PLD1: variants seen among roughly 807,000 people sequenced by gnomAD.
PLD1 encodes the protein choline phosphatase 1.
PLD1 carries 112 observed loss-of-function variants against 137.1 expected under a neutral mutation model. The ratio of observed to expected loss-of-function variants is 0.82; its 90% CI spans 0.70 to 0.96. The LOEUF (loss-of-function observed/expected upper bound fraction) is 0.96. Ranked by LOEUF, PLD1 falls within the 40% of genes least tolerant of loss-of-function variation. PLD1 has a pLI of 0.00. For synonymous variants in PLD1, 431 were observed against 454.7 expected, an observed-to-expected ratio of 0.95 and a Z score of 0.66; for missense variants, 1,321 against 1,342.0, an observed-to-expected ratio of 0.98 and a Z score of 0.24.
rs1354706941 is a variant in PLD1 at position 171,704,465 on chromosome 3, A to AG, written c.1145+4289_1145+4290insC. Among the ~76,000 whole-genome samples the AG allele has an allele frequency of 3.3e-5, 5 of 151,208 alleles. No homozygotes were observed. In the East Asian group the frequency reaches 5.8e-4, roughly 18 times the overall value. ...TGGCACACAAAGAACCAGGAAAAAA[A>AG]AAAAAAAAAAAACCTTATCTTGTAC... On this transcript the variant is annotated intron_variant, in intron 11 of 26. Coordinates refer to ENST00000351298, the MANE Select transcript of PLD1 (RefSeq NM_002662.5).
intron 21 of PLD1, among the ~76,000 whole-genome samples, chr3:171,657,511 T>C (rs1737313357): frequency 1.3e-5 from 2 of 152,208 alleles, no homozygotes; most frequent in South Asian, 2.1e-4. Flanking sequence ...TAAGAAGAAA[T>C]TGTCCCTGGT....
chr3:171,608,492 G>A (rs1296011949), intron 25 of PLD1, among the ~76,000 whole-genome samples: 1 of 152,174 alleles, frequency 6.6e-6, no homozygotes, highest in Non-Finnish European at 1.5e-5. Context: ...ATACTAATTT[G>A]AAGAAGTGGT....
At chr3:171,776,969 TCA>T (rs1722613229) in intron 1 of PLD1, among the ~76,000 whole-genome samples, 1 of 152,180 alleles carries the variant, frequency 6.6e-6, no homozygotes, top group South Asian at 2.1e-4. Flanking sequence ...CCTGATCAGT[TCA>T]CAGACGACTT....
chr3:171,781,612 G>C (rs996882723), intron 1 of PLD1, among the ~76,000 whole-genome samples: 2 of 152,126 alleles, frequency 1.3e-5, no homozygotes, highest in Non-Finnish European at 2.9e-5. Flanking sequence ...AGACAGACTC[G>C]TGATCACTAA....
At chr3:171,734,831 A>T in intron 5 of PLD1, 34 bp downstream of exon 5, 1 of 1,341,862 alleles carries the variant, frequency 7.5e-7, no homozygotes, top group Non-Finnish European at 1.1e-6. Context: ...CTGCAAAATT[A>T]GGTTTAAAAC....
intron 8 of PLD1, among the ~76,000 whole-genome samples, chr3:171,721,917 T>C (rs1320836161): frequency 6.6e-6 from 1 of 152,156 alleles, no homozygotes; most frequent in African/African-American, 2.4e-5. Flanking sequence ...AGCTTAATGG[T>C]ATTTTTTTGT....
At chr3:171,757,360 A>G (rs1357464202) in intron 1 of PLD1, among the ~76,000 whole-genome samples, 1 of 152,196 alleles carries the variant, frequency 6.6e-6, no homozygotes, top group Non-Finnish European at 1.5e-5. Flanking sequence ...AATCAGATAA[A>G]GAAAAGAGAA....
chr3:171,655,101 G>A (rs1192253052), intron 21 of PLD1, among the ~76,000 whole-genome samples: 2 of 152,182 alleles, frequency 1.3e-5, no homozygotes, highest in East Asian at 1.9e-4. Context: ...GTATTCTTTG[G>A]TGAGGCCTGG....
rs576881811 is a variant in PLD1 at position 171,708,898 on chromosome 3, C to T, written c.1062-60G>A. On this transcript the variant is annotated intron_variant, in intron 10 of 26. Transcript: ENST00000351298. The stretch of plus-strand genomic sequence containing the variant: ...AAAAAAGAAAAGAAAAGAAACTTAT[C>T]TTATGGTAAAGCAAAACATGGAAGC... 1.7e-3 allele frequency: 1,860 copies of T among 1,118,120 alleles called. 5 individuals are homozygous for T. The highest frequency in any genetic ancestry group is 1.9e-3 in the Non-Finnish European group (1,390 of 743,306). The allele number at this position is 1,118,120 out of a possible 1,614,324, so 69.3% of individuals were successfully genotyped here. A position where few individuals can be genotyped will look rare whatever the true frequency, so the allele number is the denominator to read the frequency against.
chr3:171,629,829 G>T (rs1174141217), intron 23 of PLD1, among the ~76,000 whole-genome samples: 2 of 152,164 alleles, frequency 1.3e-5, no homozygotes, highest in Non-Finnish European at 2.9e-5. Flanking sequence ...GCTGAAACTG[G>T]ATCCCTTCTT....
At position 171,737,630 on chromosome 3, in the gene PLD1, T is replaced by C; in HGVS notation, c.190A>G (p.Thr64Ala). 6.3e-7 allele frequency: 1 copy of C among 1,583,656 alleles called. No homozygotes were observed. Among genetic ancestry groups the C allele is most frequent in the East Asian group, 2.2e-5 (1 of 44,708 alleles). Residue 64 changes from threonine to alanine, a missense_variant, in exon 3 of 27, where the codon ACT becomes GCT. Thr to Ala is a moderately conservative substitution (Grantham distance 58). Coordinates refer to ENST00000351298, the MANE Select transcript of PLD1 (RefSeq NM_002662.5). ...ATATTAGGCTCCTTAAATCCTTGAGTGTTATAAATAGCAGAGAAAGGGATA... is the reference window on the plus strand; with the variant it reads ...ATATTAGGCTCCTTAAATCCTTGAGCGTTATAAATAGCAGAGAAAGGGATA... ...VYIPFSAIYNTQGFKEPNIQT... is the reference protein window; with the variant it reads ...VYIPFSAIYNAQGFKEPNIQT...
At chr3:171,759,943 A>G (rs1413390839) in intron 1 of PLD1, among the ~76,000 whole-genome samples, 1 of 152,228 alleles carries the variant, frequency 6.6e-6, no homozygotes, top group Non-Finnish European at 1.5e-5. Flanking sequence ...CCAAGGGCAG[A>G]AGCTCTGCTA....
At chr3:171,627,849 A>G (rs371773514) in intron 23 of PLD1, among the ~76,000 whole-genome samples, 51 of 152,256 alleles carry the variant, frequency 3.3e-4, no homozygotes, top group African/African-American at 1.2e-3. Flanking sequence ...TCTCTGGGAC[A>G]CATTCAAAGC....
At chr3:171,683,989 TTCTC>T (rs1369560172) in intron 16 of PLD1, among the ~76,000 whole-genome samples, 1 of 152,164 alleles carries the variant, frequency 6.6e-6, no homozygotes, top group African/African-American at 2.4e-5. Context: ...GTTTAGGTTG[TTCTC>T]TCTCTCTATC....
chr3:171,746,564 G>A (rs1427964946), intron 1 of PLD1, among the ~76,000 whole-genome samples: 2 of 152,192 alleles, frequency 1.3e-5, no homozygotes, highest in Non-Finnish European at 2.9e-5. Context: ...ACACCAATCA[G>A]CACCCTGTGT....
At chr3:171,741,784 T>G (rs1719792062) in intron 1 of PLD1, among the ~76,000 whole-genome samples, 1 of 152,256 alleles carries the variant, frequency 6.6e-6, no homozygotes, top group Non-Finnish European at 1.5e-5. Flanking sequence ...TAATTTTCTA[T>G]TCTTGATTTT....
chr3:171,765,126 A>C (rs1015796686), intron 1 of PLD1: 1 of 152,212 alleles, frequency 6.6e-6, no homozygotes. Flanking sequence ...AAAATGGACT[A>C]TAGTTATGGT....
chr3:171,674,737 G>A, intron 18 of PLD1, 124 bp from the exon 19 acceptor site: 1 of 511,302 alleles, frequency 2.0e-6, no homozygotes, highest in Non-Finnish European at 3.6e-6. Context: ...CAGCACTTTG[G>A]GAGGCCAAGA....
At chr3:171,704,093 T>C (rs1716470066) in intron 11 of PLD1, among the ~76,000 whole-genome samples, 2 of 152,196 alleles carry the variant, frequency 1.3e-5, no homozygotes. Flanking sequence ...ATAAAGTTGT[T>C]TCTGATTTCC....
Sources: allele counts gnomAD v4.1 joint callset (sites outside exome capture counted in the v4.1 genomes callset), GRCh38; gene constraint gnomAD v4.1.1; transcripts MANE v1.5; gene names NCBI Gene and HGNC (gene_info 2026-07-23, HGNC 2026-07-21).